The following RALGAPA2 variants were observed in gnomAD, a reference collection of about 807,000 sequenced individuals.
The protein encoded by RALGAPA2 is Ral GTPase activating protein catalytic subunit alpha 2.
RALGAPA2 carries 139 observed loss-of-function variants against 230.4 expected under a neutral mutation model. The ratio of observed to expected loss-of-function variants is 0.60; its 90% confidence interval spans 0.53 to 0.69. The LOEUF is 0.69. Ranked by LOEUF, RALGAPA2 falls within the 30% of genes least tolerant of loss-of-function variation. The pLI is 0.00. For missense variants in RALGAPA2, 2,163 were observed against 2,276.0 expected (o/e 0.95, Z 1.01); for synonymous variants, 847 against 837.8 (o/e 1.01, Z -0.19).
chr20:20,556,149 G>A (rs2064076344), intron 23 of RALGAPA2, among the ~76,000 whole-genome samples: 1 of 152,202 alleles, frequency 6.6e-6, no homozygotes, highest in Admixed American at 6.5e-5. Flanking sequence ...TGCTCAGGGT[G>A]CTGTGAGATC....
At chr20:20,560,979 C>T (rs2064240226) in intron 23 of RALGAPA2, among the ~76,000 whole-genome samples, 1 of 152,218 alleles carries the variant, frequency 6.6e-6, no homozygotes, top group Non-Finnish European at 1.5e-5. Context: ...ATAAGCAGCA[C>T]AAGCCAAACA....
intron 27 of RALGAPA2, among the ~76,000 whole-genome samples, chr20:20,527,083 C>A (rs1418619148): frequency 6.6e-6 from 1 of 152,268 alleles, no homozygotes; most frequent in Non-Finnish European, 1.5e-5. Context: ...CAAGGGCACC[C>A]TCTGCTTCCC....
chr20:20,505,311 T>G (rs1481727494), intron 34 of RALGAPA2, 100 bp downstream of exon 34: 7 of 1,299,172 alleles, frequency 5.4e-6, no homozygotes, highest in Non-Finnish European at 7.0e-6. Context: ...TATGCTATAT[T>G]TGAATGCAAA....
At chr20:20,547,613 C>T (rs1229294765) in intron 23 of RALGAPA2, among the ~76,000 whole-genome samples, 2 of 152,182 alleles carry the variant, frequency 1.3e-5, no homozygotes, top group African/African-American at 2.4e-5. Flanking sequence ...CATGGCCAGG[C>T]CACATCTCTG....
rs189861965 is a variant in RALGAPA2, at chr20:20,661,712, A to G, written c.271-8125T>C. ...AAAAGTAGTAAGTATAAGCAGGTTA[A>G]ATTCCCCTACCGAAGACCAAGTCCA... On this transcript the variant is annotated intron_variant, in intron 3 of 39. Coordinates refer to ENST00000202677, the MANE Select transcript of RALGAPA2 (RefSeq NM_020343.4). Among the ~76,000 whole-genome samples, 312 of 152,288 alleles carry G rather than the reference A, an allele frequency of 2.0e-3. 5 individuals carry two copies. The highest frequency in any genetic ancestry group is 0.019 in the Admixed American group (292 of 15,284).
chr20:20,619,751 A>G (rs1418845997), intron 11 of RALGAPA2, among the ~76,000 whole-genome samples: 1 of 152,236 alleles, frequency 6.6e-6, no homozygotes, highest in Non-Finnish European at 1.5e-5. Context: ...TATTAAAATG[A>G]TTTCACCAAT....
At chr20:20,549,334 T>C (rs1324836090) in intron 23 of RALGAPA2, among the ~76,000 whole-genome samples, 1 of 152,152 alleles carries the variant, frequency 6.6e-6, no homozygotes, top group Non-Finnish European at 1.5e-5. Flanking sequence ...GTAGCTGAGA[T>C]AAAGTCACAT....
chr20:20,581,038 A>G (rs901830646), intron 20 of RALGAPA2, among the ~76,000 whole-genome samples: 8 of 152,226 alleles, frequency 5.3e-5, no homozygotes, highest in African/African-American at 1.7e-4. Flanking sequence ...TTATCACATT[A>G]CAGTTTGTCC....
chr20:20,712,281 G>T lies in RALGAPA2; in HGVS notation c.106+94C>A. On this transcript the variant is annotated intron_variant, in intron 1 of 39. Coordinates refer to ENST00000202677, the MANE Select transcript of RALGAPA2 (RefSeq NM_020343.4). The surrounding 1 kb of genome is among the most constrained non-coding windows in gnomAD (Gnocchi z 5.5). ...GGACGCCCACCCATCCCCCTCCCCAGCCTCCCAGCCACCGACCCCTGCACA... is the reference window on the plus strand; with the variant it reads ...GGACGCCCACCCATCCCCCTCCCCATCCTCCCAGCCACCGACCCCTGCACA... 2 of 453,368 alleles carry T rather than the reference G, an allele frequency of 4.4e-6. No homozygotes were observed. The highest frequency in any genetic ancestry group is 2.2e-5 in the African/African-American group (1 of 44,790). 28.1% of individuals were successfully genotyped at this position (453,368 alleles called of 1,614,324 possible).
chr20:20,633,700 G>T (rs572663889), intron 9 of RALGAPA2, among the ~76,000 whole-genome samples: 1 of 151,788 alleles, frequency 6.6e-6, no homozygotes, highest in East Asian at 2.0e-4. Flanking sequence ...GGATGGTCTC[G>T]ATCTCCTGAC....
At chr20:20,572,758 T>G in intron 21 of RALGAPA2, 117 bp downstream of exon 21, 1 of 892,108 alleles carries the variant, frequency 1.1e-6, no homozygotes, top group Admixed American at 3.3e-5. Context: ...GGACTTTGTC[T>G]AAATGTACCA....
chr20:20,680,023 T>C (rs1179521479), intron 2 of RALGAPA2, among the ~76,000 whole-genome samples: 3 of 152,172 alleles, frequency 2.0e-5, no homozygotes, highest in South Asian at 2.1e-4. Context: ...TCAAACTCTG[T>C]CCTAAAATGC....
In RALGAPA2 at chr20:20,391,626, C is replaced by T. The variant is rs1029119067; in HGVS notation, c.*1663G>A. On this transcript the variant is annotated 3_prime_UTR_variant, in exon 40 of 40. Coordinates refer to ENST00000202677, the MANE Select transcript of RALGAPA2 (RefSeq NM_020343.4). ...GTCTCCCCGTTTTCCCTACAAAGGC[C>T]AGGTTCCAGCCAAACCAGCTCCATG... 13 of 152,292 alleles carry T rather than the reference C, an allele frequency of 8.5e-5. No homozygotes were observed. Among genetic ancestry groups the T allele is most frequent in the African/African-American group, 2.9e-4 (12 of 41,458 alleles). 9.4% of individuals were successfully genotyped at this position (152,292 alleles called of 1,614,324 possible). A position where few individuals can be genotyped will look rare whatever the true frequency, so the allele number is the denominator to read the frequency against.
At chr20:20,699,478 T>C (rs1003428604) in intron 1 of RALGAPA2, among the ~76,000 whole-genome samples, 5 of 152,210 alleles carry the variant, frequency 3.3e-5, no homozygotes, top group African/African-American at 1.2e-4. Context: ...CTGCACTGTT[T>C]ACACCAGGAA....
chr20:20,413,615 G>A (rs2060108006), intron 37 of RALGAPA2, among the ~76,000 whole-genome samples: 1 of 152,202 alleles, frequency 6.6e-6, no homozygotes, highest in South Asian at 2.1e-4. Flanking sequence ...GTGGCTAGGG[G>A]TTCTATACTG....
At chr20:20,607,967 G>T (rs1379713824) in intron 14 of RALGAPA2, among the ~76,000 whole-genome samples, 1 of 152,146 alleles carries the variant, frequency 6.6e-6, no homozygotes, top group African/African-American at 2.4e-5. Context: ...TGAAGGCAGG[G>T]TGTCCTTTTA....
At chr20:20,637,524 A>G in intron 7 of RALGAPA2, 23 bp from the exon 8 acceptor site, 3 of 1,530,090 alleles carry the variant, frequency 2.0e-6, no homozygotes, top group Non-Finnish European at 1.8e-6. Context: ...TGTGGAAAAG[A>G]ACATATGTAT....
chr20:20,412,989 G>A (rs924935809), intron 37 of RALGAPA2, among the ~76,000 whole-genome samples: 6 of 152,322 alleles, frequency 3.9e-5, no homozygotes, highest in South Asian at 2.1e-4. Flanking sequence ...ACAGGATAAC[G>A]TCAGAACAAT....
intron 20 of RALGAPA2, 83 bp downstream of exon 20, chr20:20,582,967 C>A (rs960262006): frequency 7.0e-7 from 1 of 1,421,842 alleles, no homozygotes. Context: ...TGTTTCAGAA[C>A]CCTCTGTATA....
Sources: gnomAD v4.1 joint callset for allele counts (sites outside exome capture counted in the v4.1 genomes callset) on GRCh38, gnomAD v4.1.1 for gene constraint, Gnocchi (gnomAD v3.1) non-coding constraint, MANE v1.5 for transcripts, NCBI Gene and HGNC (gene_info 2026-07-23, HGNC 2026-07-21) for gene names.